HEATR4: variants seen among roughly 807,000 people sequenced by gnomAD.
HEATR4 encodes the protein HEAT repeat-containing protein 4.
In HEATR4, 95 loss-of-function variants were observed where a neutral mutation model predicts 108.8. That is an observed-to-expected ratio of 0.87 (90% CI 0.74 to 1.04). HEATR4 has a LOEUF of 1.04. Among genes scored for constraint, HEATR4 ranks in the 50% least tolerant of loss-of-function variants. The pLI is 0.00. For synonymous variants in HEATR4, 443 were observed against 459.4 expected, an observed-to-expected ratio of 0.96 and a Z score of 0.46; for missense variants, 1,152 against 1,253.8, an observed-to-expected ratio of 0.92 and a Z score of 1.23.
At position 73,522,925 on chromosome 14, in the gene HEATR4, C is replaced by G; in HGVS notation, c.228G>C (p.Glu76Asp). 4 of 1,614,222 alleles carry G rather than the reference C, an allele frequency of 2.5e-6. No individual in the cohort carries two copies. The highest frequency in any genetic ancestry group is 3.4e-6 in the Non-Finnish European group (4 of 1,180,042). Residue 76 changes from glutamate (E) to aspartate (D), a missense_variant, in exon 3 of 18, where the codon GAG becomes GAC. Physicochemically the swap from Glu to Asp is conservative, Grantham distance 45 (BLOSUM62 2). Coordinates refer to ENST00000553558, the MANE Select transcript of HEATR4 (RefSeq NM_001220484.1). ...TGGGCAGGCCTCGCTGCCACACCAC[C>G]TCCTGAGAGAAGGTAAGGTTTGCAG... ...MAAANLTFSQ[E>D]VVWQRGLPSI...
chr14:73,519,774 T>C (rs1887862477), intron 4 of HEATR4, among the ~76,000 whole-genome samples: 1 of 152,098 alleles, frequency 6.6e-6, no homozygotes, highest in Non-Finnish European at 1.5e-5. Flanking sequence ...TCCCAGCACT[T>C]TGGGAGGCTA....
At chr14:73,590,700 G>A in the HEATR4 span, among the ~76,000 whole-genome samples, 1 of 151,914 alleles carries the variant, frequency 6.6e-6, no homozygotes, top group South Asian at 2.1e-4. Flanking sequence ...CTCACTGCCC[G>A]GGGCTTGCGG....
the HEATR4 span, among the ~76,000 whole-genome samples, chr14:73,614,658 A>T: frequency 6.6e-6 from 1 of 151,686 alleles, no homozygotes; most frequent in East Asian, 1.9e-4. Context: ...GAGGTGGGAG[A>T]ATCGCTTGAA....
intron 4 of HEATR4, among the ~76,000 whole-genome samples, chr14:73,519,584 A>G (rs1323964765): frequency 6.6e-6 from 1 of 152,102 alleles, no homozygotes; most frequent in Admixed American, 6.5e-5. Flanking sequence ...GTCTCTACAA[A>G]AAATACAAAA....
chr14:73,487,158 T>TA (rs1055936768), intron 17 of HEATR4, among the ~76,000 whole-genome samples: 2 of 123,918 alleles, frequency 1.6e-5, no homozygotes, highest in Non-Finnish European at 3.3e-5. Context: ...TTGATTTTTT[T>TA]AAAAGGGAAT....
chr14:73,619,369 C>T, the HEATR4 span: 1 of 1,614,132 alleles, frequency 6.2e-7, no homozygotes, highest in Non-Finnish European at 8.5e-7. Context: ...AGCTCCTCTA[C>T]ATTACAAGGA....
the HEATR4 span, among the ~76,000 whole-genome samples, chr14:73,566,598 G>C: frequency 1.3e-5 from 2 of 152,178 alleles, no homozygotes; most frequent in African/African-American, 4.8e-5. Context: ...CTCATTGCCC[G>C]GGGCTGGCAG....
intron 7 of HEATR4, among the ~76,000 whole-genome samples, chr14:73,510,354 A>G (rs775033029): frequency 6.6e-5 from 10 of 152,154 alleles, no homozygotes; most frequent in Admixed American, 1.3e-4. Flanking sequence ...GCATGGCACC[A>G]GAAGAATATG....
chr14:73,499,374 G>A (rs1391221437), intron 12 of HEATR4, among the ~76,000 whole-genome samples: 7 of 152,090 alleles, frequency 4.6e-5, no homozygotes, highest in East Asian at 1.9e-4. Flanking sequence ...CCAGCTACTC[G>A]GAGGCTGAGG....
At chr14:73,491,647 C>A in intron 17 of HEATR4, 1 of 1,549,676 alleles carries the variant, frequency 6.5e-7, no homozygotes, top group African/African-American at 1.4e-5. Context: ...AGTGGCTCAT[C>A]GCGCCCATGC....
At chr14:73,569,007 C>G in the HEATR4 span, 1 of 552,760 alleles carries the variant, frequency 1.8e-6, no homozygotes, top group Non-Finnish European at 3.2e-6. Context: ...CTGCCTGGTT[C>G]TTTAAGAACC....
At chr14:73,617,049 T>C in the HEATR4 span, 2 of 1,209,494 alleles carry the variant, frequency 1.7e-6, no homozygotes, top group East Asian at 2.3e-5. Flanking sequence ...CCTTTGTGAA[T>C]ACAGGGCCAG....
At chr14:73,518,604 T>C (rs997247797) in intron 5 of HEATR4, among the ~76,000 whole-genome samples, 1 of 152,266 alleles carries the variant, frequency 6.6e-6, no homozygotes, top group Admixed American at 6.5e-5. Flanking sequence ...ATGATGAACT[T>C]GTGAAAGTTC....
chr14:73,498,962 A>T, intron 13 of HEATR4, 109 bp downstream of exon 13: 1 of 910,786 alleles, frequency 1.1e-6, no homozygotes, highest in Non-Finnish European at 1.8e-6. Flanking sequence ...AGCTAAGATC[A>T]TTACCTCTCC....
At chr14:73,600,962 G>A in the HEATR4 span, among the ~76,000 whole-genome samples, 29 of 151,678 alleles carry the variant, frequency 1.9e-4, no homozygotes, top group Admixed American at 4.6e-4. Context: ...CCAACATGGC[G>A]AAACCCCATC....
the HEATR4 span, chr14:73,611,391 G>T: frequency 6.6e-6 from 1 of 152,180 alleles, no homozygotes; most frequent in African/African-American, 2.4e-5. Context: ...CTATCAGACT[G>T]CCCCCTTCCC....
the HEATR4 span, among the ~76,000 whole-genome samples, chr14:73,621,167 C>T: frequency 6.6e-6 from 1 of 152,032 alleles, no homozygotes; most frequent in Non-Finnish European, 1.5e-5. Context: ...GAGCCGAGAT[C>T]GCGCCACTGC....
the HEATR4 span, among the ~76,000 whole-genome samples, chr14:73,621,159 G>A: frequency 2.0e-3 from 302 of 152,204 alleles, 2 homozygotes; most frequent in African/African-American, 6.9e-3. Context: ...GTTGCAGTGA[G>A]CCGAGATCGC....
In HEATR4 at chr14:73,492,044, G is replaced by A; in HGVS notation, c.2844+1022C>T. 2 of 1,613,950 alleles carry A rather than the reference G, an allele frequency of 1.2e-6. No individual in the cohort carries two copies. The highest frequency in any genetic ancestry group is 1.7e-6 in the Non-Finnish European group (2 of 1,179,886). On this transcript the variant is annotated intron_variant, in intron 17 of 17. Transcript: ENST00000553558. The surrounding 1 kb of genome is among the most constrained non-coding windows in gnomAD (Gnocchi z 4.9). ...GCAGGGCTTTGCCCCCCACTACGAC[G>A]ACATCGAGGCCTTCGTGCTGCAGCT...
Sources: allele counts gnomAD v4.1 joint callset (sites outside exome capture counted in the v4.1 genomes callset), GRCh38; gene constraint gnomAD v4.1.1; non-coding constraint Gnocchi (gnomAD v3.1); transcripts MANE v1.5; gene names NCBI Gene and HGNC (gene_info 2026-07-23, HGNC 2026-07-21).